The following H2BK1 variants were observed in gnomAD, a reference collection of about 807,000 sequenced individuals.
H2BK1 encodes the protein H2B.K variant histone 1.
chr7:151,208,249 C>T, the H2BK1 span: 2 of 718,390 alleles, frequency 2.8e-6, no homozygotes, highest in Non-Finnish European at 4.8e-6. Flanking sequence ...CAGCCCCTTC[C>T]CAGAGGCCAA....
At chr7:151,208,689 C>G in the H2BK1 span, among the ~76,000 whole-genome samples, 1 of 152,206 alleles carries the variant, frequency 6.6e-6, no homozygotes, top group Non-Finnish European at 1.5e-5. Flanking sequence ...CCATGTGACA[C>G]AGTCGCAGCC....
At chr7:151,209,989 C>G in the H2BK1 span, among the ~76,000 whole-genome samples, 1 of 152,182 alleles carries the variant, frequency 6.6e-6, no homozygotes, top group Non-Finnish European at 1.5e-5. Context: ...CACGCTTTGT[C>G]TCCTATCACC....
chr7:151,210,281 C>A, the H2BK1 span: 1 of 399,186 alleles, frequency 2.5e-6, no homozygotes, highest in Non-Finnish European at 4.4e-6. Context: ...ACCCCCACGG[C>A]CCCCGGGCTG....
chr7:151,210,014 TGA>T, the H2BK1 span, among the ~76,000 whole-genome samples: 6 of 152,286 alleles, frequency 3.9e-5, no homozygotes, highest in South Asian at 6.2e-4. Context: ...CCCAAGATCC[TGA>T]GAGAGGTGGA....
At chr7:151,208,090 G>C in the H2BK1 span, 1 of 1,614,188 alleles carries the variant, frequency 6.2e-7, no homozygotes, top group East Asian at 2.2e-5. Context: ...TGGCAGAGAT[G>C]CCAATGTCAG....
At chr7:151,210,348 C>G in the H2BK1 span, 1 of 398,840 alleles carries the variant, frequency 2.5e-6, no homozygotes, top group Non-Finnish European at 4.4e-6. Flanking sequence ...CCCTCACCCA[C>G]CCCCTTGGAG....
chr7:151,210,415 AGGGG>A, the H2BK1 span: 56,246 of 259,012 alleles, frequency 0.22, 9,819 homozygotes, highest in Non-Finnish European at 0.28. Flanking sequence ...TGCACCTGGG[AGGGG>A]GGGGGGGGGC....
the H2BK1 span, chr7:151,208,170 C>A: frequency 6.5e-7 from 1 of 1,541,148 alleles, no homozygotes; most frequent in Non-Finnish European, 9.0e-7. Context: ...GTCCTGCCTA[C>A]ACTGCAAGCC....
the H2BK1 span, chr7:151,210,382 C>T: frequency 2.9e-6 from 1 of 347,920 alleles, no homozygotes; most frequent in African/African-American, 2.2e-5. Context: ...AGTCAGCTGC[C>T]CCACCAGGTG....
the H2BK1 span, chr7:151,207,938 C>T: frequency 7.8e-7 from 1 of 1,287,380 alleles, no homozygotes. Context: ...GGCCAGCTCC[C>T]CAGGCAGCAG....
chr7:151,209,670 G>A, the H2BK1 span, among the ~76,000 whole-genome samples: 2 of 152,094 alleles, frequency 1.3e-5, no homozygotes, highest in Non-Finnish European at 2.9e-5. Flanking sequence ...CACTGCCACT[G>A]TCAGGCCATG....
the H2BK1 span, chr7:151,210,186 C>T: frequency 2.5e-6 from 1 of 399,006 alleles, no homozygotes; most frequent in African/African-American, 2.1e-5. Context: ...TATGCACTCA[C>T]CTGCTTCAGC....
the H2BK1 span, among the ~76,000 whole-genome samples, chr7:151,208,641 G>A: frequency 6.6e-6 from 1 of 152,208 alleles, no homozygotes; most frequent in African/African-American, 2.4e-5. Context: ...AAACGTTTGT[G>A]CATATAACTT....
chr7:151,208,644 T>C, the H2BK1 span, among the ~76,000 whole-genome samples: 28 of 152,186 alleles, frequency 1.8e-4, no homozygotes, highest in Admixed American at 1.8e-3. Flanking sequence ...CGTTTGTGCA[T>C]ATAACTTGGT....
the H2BK1 span, among the ~76,000 whole-genome samples, chr7:151,209,101 G>T: frequency 6.6e-6 from 1 of 152,072 alleles, no homozygotes; most frequent in South Asian, 2.1e-4. Flanking sequence ...AGATCAGGAG[G>T]TTGAGGGGTT....
the H2BK1 span, among the ~76,000 whole-genome samples, chr7:151,209,482 C>T: frequency 6.6e-6 from 1 of 152,252 alleles, no homozygotes; most frequent in African/African-American, 2.4e-5. Flanking sequence ...TCCTCCTGGC[C>T]TTGGCCCTGC....
chr7:151,210,467 G>A, the H2BK1 span: 2 of 394,572 alleles, frequency 5.1e-6, no homozygotes, highest in East Asian at 7.2e-5. Context: ...TCCCAATCCT[G>A]AACATGCTCT....
chr7:151,208,239 C>A, the H2BK1 span: 1 of 782,660 alleles, frequency 1.3e-6, no homozygotes, highest in South Asian at 1.6e-5. Flanking sequence ...GGCTCCTCAC[C>A]AGCCCCTTCC....
the H2BK1 span, among the ~76,000 whole-genome samples, chr7:151,209,850 TA>T: frequency 6.9e-4 from 105 of 152,332 alleles, 1 homozygote; most frequent in South Asian, 0.018. Flanking sequence ...CTTTGTATCA[TA>T]ATGTGTTTGG....
Sources: allele counts gnomAD v4.1 joint callset (sites outside exome capture counted in the v4.1 genomes callset), GRCh38; gene constraint gnomAD v4.1.1; transcripts MANE v1.5; gene names NCBI Gene and HGNC (gene_info 2026-07-23, HGNC 2026-07-21).